The following ZNF469 variants were observed in gnomAD, a reference collection of about 807,000 sequenced individuals.
ZNF469 encodes zinc finger protein 469.
In ZNF469, 1 loss-of-function variant was observed where a neutral mutation model predicts 1.0. The observed-to-expected ratio is 1.00, with a 90% confidence interval of 0.35 to 4.73. ZNF469 has a LOEUF of 4.73. ZNF469 is among the 30% of genes most tolerant of loss of function. ZNF469 has a pLI of 0.16. For synonymous variants in ZNF469, 2,703 were observed against 2,363.4 expected (o/e 1.14, Z -4.17); for missense variants, 6,100 against 5,356.3 (o/e 1.14, Z -4.33).
At chr16:88,349,887 C>CAA in the ZNF469 span, among the ~76,000 whole-genome samples, 522 of 139,138 alleles carry the variant, frequency 3.8e-3, no homozygotes, top group South Asian at 5.3e-3. Context: ...ACACCACACA[C>CAA]TTGCACACAC....
At chr16:88,412,210 G>T (rs1248167124) in intron 1 of ZNF469, among the ~76,000 whole-genome samples, 1 of 152,160 alleles carries the variant, frequency 6.6e-6, no homozygotes, top group African/African-American at 2.4e-5. Flanking sequence ...CCCCTCTCCA[G>T]TCCCAGGCCC....
the ZNF469 span, among the ~76,000 whole-genome samples, chr16:88,208,713 G>C: frequency 6.6e-6 from 1 of 150,980 alleles, no homozygotes; most frequent in Non-Finnish European, 1.5e-5. Flanking sequence ...AGACAAGATA[G>C]GACAAGAAAA....
At chr16:88,402,274 G>C (rs1904904398) in intron 1 of ZNF469, among the ~76,000 whole-genome samples, 1 of 152,148 alleles carries the variant, frequency 6.6e-6, no homozygotes, top group Non-Finnish European at 1.5e-5. Context: ...TGGTGACCCT[G>C]TCCTACTCTA....
chr16:88,261,684 C>T, the ZNF469 span, among the ~76,000 whole-genome samples: 1 of 152,238 alleles, frequency 6.6e-6, no homozygotes, highest in South Asian at 2.1e-4. This position sits in a 1 kb window ranked among gnomAD's most constrained non-coding sequence, Gnocchi z 6.0. Flanking sequence ...CCAGCCGCTC[C>T]TCCCCCAGCC....
At chr16:88,287,727 T>G in the ZNF469 span, among the ~76,000 whole-genome samples, 1 of 152,184 alleles carries the variant, frequency 6.6e-6, no homozygotes, top group Non-Finnish European at 1.5e-5. Context: ...TGAATGCTGG[T>G]GTGACGCTAC....
the ZNF469 span, among the ~76,000 whole-genome samples, chr16:88,210,810 C>G: frequency 3.9e-5 from 6 of 152,312 alleles, no homozygotes; most frequent in South Asian, 1.2e-3. Context: ...ACTTTTTTCT[C>G]TCTAGAAGCT....
At chr16:88,426,271 C>A (rs72805374) in intron 2 of ZNF469, among the ~76,000 whole-genome samples, 4,779 of 152,370 alleles carry the variant, frequency 0.031, 97 homozygotes, top group Non-Finnish European at 0.052. Flanking sequence ...CTGGGCCTGC[C>A]ATGAGGACCC....
the ZNF469 span, among the ~76,000 whole-genome samples, chr16:88,140,893 A>G: frequency 1.3e-5 from 2 of 152,200 alleles, no homozygotes; most frequent in African/African-American, 4.8e-5. Flanking sequence ...AGATCATGCC[A>G]TTGCACTGCA....
chr16:88,243,418 C>T, the ZNF469 span, among the ~76,000 whole-genome samples: 1 of 152,204 alleles, frequency 6.6e-6, no homozygotes, highest in East Asian at 1.9e-4. Context: ...CTGGAAGTTT[C>T]CTCAGATTCT....
chr16:88,160,028 GA>G, the ZNF469 span, among the ~76,000 whole-genome samples: 15 of 152,138 alleles, frequency 9.9e-5, no homozygotes, highest in Non-Finnish European at 1.3e-4. Flanking sequence ...CCCCCTTTCT[GA>G]CTCAGTTTCC....
At chr16:88,172,187 C>T in the ZNF469 span, among the ~76,000 whole-genome samples, 2 of 152,138 alleles carry the variant, frequency 1.3e-5, no homozygotes, top group Admixed American at 1.3e-4. Context: ...AAGAGAGCGC[C>T]AGAGGTCTGC....
At chr16:88,153,853 G>C in the ZNF469 span, among the ~76,000 whole-genome samples, 1 of 152,168 alleles carries the variant, frequency 6.6e-6, no homozygotes, top group African/African-American at 2.4e-5. Flanking sequence ...GAGAGAGAAG[G>C]GGAGACAGAA....
At chr16:88,403,438 C>G (rs540691017) in intron 1 of ZNF469, among the ~76,000 whole-genome samples, 1 of 152,274 alleles carries the variant, frequency 6.6e-6, no homozygotes, top group South Asian at 2.1e-4. Flanking sequence ...CAGGTCACTG[C>G]TCTCCCAGGC....
the ZNF469 span, among the ~76,000 whole-genome samples, chr16:88,329,090 TG>T: frequency 6.6e-6 from 1 of 152,194 alleles, no homozygotes; most frequent in East Asian, 1.9e-4. Flanking sequence ...CGACCCATGA[TG>T]TGCTGACCGG....
the ZNF469 span, among the ~76,000 whole-genome samples, chr16:88,182,019 T>A: frequency 6.6e-6 from 1 of 152,266 alleles, no homozygotes; most frequent in Admixed American, 6.5e-5. Flanking sequence ...TAAGAGCTTA[T>A]ACATTTAGCA....
At chr16:88,306,137 T>C in the ZNF469 span, among the ~76,000 whole-genome samples, 1 of 152,208 alleles carries the variant, frequency 6.6e-6, no homozygotes, top group Non-Finnish European at 1.5e-5. Context: ...GGCAGGGGCT[T>C]CCAATGACAA....
rs1200881724 is a variant in ZNF469, at chr16:88,430,692, C to G, written c.3222C>G (p.Ser1074=). 11 of 1,486,004 alleles carry G rather than the reference C, an allele frequency of 7.4e-6. No individual in the cohort carries two copies. The highest frequency in any genetic ancestry group is 9.8e-6 in the Non-Finnish European group (11 of 1,127,120). The allele number at this position is 1,486,004 out of a possible 1,614,324, so 92.1% of individuals were successfully genotyped here. The change falls in exon 3 of 3, where the codon TCC becomes TCG. Residue 1074 remains serine, a synonymous_variant. Transcript: ENST00000565624. ...RLGRRAGRCG[S]LAAGRPRPGA... ...GGCGGCGGGCGGGCAGGTGCGGCTC[C>G]CTGGCGGCGGGGAGGCCCCGGCCCG...
chr16:88,261,097 G>C, the ZNF469 span, among the ~76,000 whole-genome samples: 1 of 152,156 alleles, frequency 6.6e-6, no homozygotes, highest in Admixed American at 6.5e-5. This position sits in a 1 kb window ranked among gnomAD's most constrained non-coding sequence, Gnocchi z 6.0. Context: ...GGTCCGGAGA[G>C]GCTCGAGCAC....
the ZNF469 span, among the ~76,000 whole-genome samples, chr16:88,249,829 C>T: frequency 6.6e-6 from 1 of 152,346 alleles, no homozygotes; most frequent in East Asian, 1.9e-4. Flanking sequence ...TCCCACATTG[C>T]TGGGATCACA....
Sources: allele counts gnomAD v4.1 joint callset (sites outside exome capture counted in the v4.1 genomes callset), GRCh38; gene constraint gnomAD v4.1.1; non-coding constraint Gnocchi (gnomAD v3.1); transcripts MANE v1.5; gene names NCBI Gene and HGNC (gene_info 2026-07-23, HGNC 2026-07-21).